Variants in MGAT4C observed in about 807,000 individuals in gnomAD.
The protein encoded by MGAT4C is MGAT4 family member C.
MGAT4C carries 19 observed loss-of-function variants against 40.1 expected under a neutral mutation model. The ratio of observed to expected loss-of-function variants is 0.47; its 90% CI spans 0.33 to 0.70. The LOEUF is 0.70. Ranked by LOEUF, MGAT4C falls within the 30% of genes least tolerant of loss-of-function variation. MGAT4C has a pLI of 0.02. For missense variants in MGAT4C, 491 were observed against 563.2 expected, an observed-to-expected ratio of 0.87 and a Z score of 1.30; for synonymous variants, 181 against 187.1, an observed-to-expected ratio of 0.97 and a Z score of 0.27.
Position 86,350,416 on chromosome 12 carries a change from G to A in MGAT4C, c.-119-16289C>T, listed in dbSNP as rs553701524. On this transcript the variant is annotated intron_variant, in intron 3 of 7. Transcript: ENST00000548651. Reference sequence around the variant, plus strand: ...CAGGTCCATGGTACAAGGCAGGTGTGCAATAAATGCTTAACAAATAACTAA... The same window carrying A: ...CAGGTCCATGGTACAAGGCAGGTGTACAATAAATGCTTAACAAATAACTAA... 2.8e-4 allele frequency among the ~76,000 whole-genome samples: 43 copies of A among 152,240 alleles called. No homozygotes were observed. In the East Asian group the frequency reaches 4.4e-3, roughly 16 times the overall value.
intron 1 of MGAT4C, among the ~76,000 whole-genome samples, chr12:86,140,551 T>G (rs1315997280): frequency 2.0e-5 from 3 of 152,062 alleles, no homozygotes; most frequent in African/African-American, 7.2e-5. Flanking sequence ...GAGAAATACC[T>G]AATGTAGATG....
At chr12:86,372,438 T>C (rs1235290287) in intron 3 of MGAT4C, among the ~76,000 whole-genome samples, 1 of 151,864 alleles carries the variant, frequency 6.6e-6, no homozygotes, top group African/African-American at 2.4e-5. Context: ...ATCACATAAT[T>C]CTATTGTTAC....
intron 2 of MGAT4C, among the ~76,000 whole-genome samples, chr12:85,990,453 T>C (rs1006908278): frequency 1.3e-5 from 2 of 152,144 alleles, no homozygotes; most frequent in African/African-American, 2.4e-5. Context: ...TAGAGTTGTG[T>C]AATGGATCTC....
At chr12:86,779,514 G>GAA (rs1374751530) in intron 1 of MGAT4C, among the ~76,000 whole-genome samples, 24 of 151,918 alleles carry the variant, frequency 1.6e-4, no homozygotes, top group African/African-American at 5.8e-4. Flanking sequence ...AGGTGAGAGG[G>GAA]TTGCCTGAGC....
intron 1 of MGAT4C, among the ~76,000 whole-genome samples, chr12:86,826,798 G>A (rs1176971756): frequency 6.6e-6 from 1 of 150,936 alleles, no homozygotes; most frequent in African/African-American, 2.4e-5. Flanking sequence ...AAAAAGAAAT[G>A]GGGGGAGGTT....
intron 1 of MGAT4C, among the ~76,000 whole-genome samples, chr12:86,227,930 G>A (rs973907989): frequency 6.6e-6 from 1 of 151,832 alleles, no homozygotes; most frequent in Admixed American, 6.6e-5. Flanking sequence ...AGAGTTTCCT[G>A]TTCCAAGTTT....
chr12:86,764,385 C>A (rs897649669), intron 1 of MGAT4C, among the ~76,000 whole-genome samples: 18 of 152,280 alleles, frequency 1.2e-4, no homozygotes, highest in African/African-American at 4.1e-4. Flanking sequence ...TGGAGCCCAC[C>A]ACAGCTCAAG....
Position 85,976,101 on chromosome 12 carries a change from T to C in MGAT4C, c.*3188A>G, listed in dbSNP as rs1302988032. On this transcript the variant is annotated 3_prime_UTR_variant, in exon 5 of 5. Coordinates refer to ENST00000611864, the MANE Select transcript of MGAT4C (RefSeq NM_001351288.2). ...ATTTGAAAATGTTTGTTTCATTTTT[T>C]ATATAATTATTATACAGAACAGTTT... The C allele has an allele frequency of 6.6e-6, 1 of 151,154 alleles. No individual in the cohort carries two copies. Among genetic ancestry groups the C allele is most frequent in the Non-Finnish European group, 1.5e-5 (1 of 67,248 alleles). The allele number at this position is 151,154 out of a possible 1,614,324, so 9.4% of individuals were successfully genotyped here. A position where few individuals can be genotyped will look rare whatever the true frequency, so the allele number is the denominator to read the frequency against.
chr12:86,171,838 T>C (rs938916422), intron 1 of MGAT4C, among the ~76,000 whole-genome samples: 1 of 152,194 alleles, frequency 6.6e-6, no homozygotes, highest in African/African-American at 2.4e-5. Flanking sequence ...CATTTCCAGA[T>C]AGTCTCACCC....
chr12:86,067,381 A>C (rs1276074758), intron 1 of MGAT4C, among the ~76,000 whole-genome samples: 1 of 152,212 alleles, frequency 6.6e-6, no homozygotes, highest in Non-Finnish European at 1.5e-5. Flanking sequence ...TGTAGCCATA[A>C]AAAGGATGAG....
chr12:85,979,699 C>T lies in MGAT4C; in HGVS notation c.1027G>A (p.Ala343Thr). Residue 343 changes from alanine (A) to threonine (T), a missense_variant, in exon 5 of 5, where the codon GCA (alanine) becomes ACA (threonine). Ala to Thr is a moderately conservative substitution (Grantham distance 58). Coordinates refer to ENST00000611864, the MANE Select transcript of MGAT4C (RefSeq NM_001351288.2). ...ACATTCATGTTGGTGTACAGACTTG[C>T]AGGGGGGTTATCAGGAATGTCAAAT... ...ESFDIPDNPP[A>T]SLYTNMNVFE... The T allele has an allele frequency of 6.2e-7, 1 of 1,613,312 alleles. No individual in the cohort carries two copies. The highest frequency in any genetic ancestry group is 8.5e-7 in the Non-Finnish European group (1 of 1,179,772).
chr12:86,166,665 C>A (rs1446706338), intron 1 of MGAT4C, among the ~76,000 whole-genome samples: 1 of 151,366 alleles, frequency 6.6e-6, no homozygotes, highest in East Asian at 1.9e-4. Context: ...GTGAGAAGGT[C>A]TCAAAAAAAA....
At chr12:86,434,807 T>C (rs1565760206) in intron 3 of MGAT4C, among the ~76,000 whole-genome samples, 1 of 151,860 alleles carries the variant, frequency 6.6e-6, no homozygotes, top group Non-Finnish European at 1.5e-5. Context: ...CTTAAACACA[T>C]AGATTCACTC....
intron 4 of MGAT4C, among the ~76,000 whole-genome samples, chr12:86,300,213 T>C (rs933733150): frequency 6.6e-6 from 1 of 152,194 alleles, no homozygotes; most frequent in East Asian, 1.9e-4. Context: ...TTGTTGTTAG[T>C]TGGAAATTGA....
chr12:86,208,128 T>A (rs1950330796), intron 1 of MGAT4C, among the ~76,000 whole-genome samples: 1 of 152,170 alleles, frequency 6.6e-6, no homozygotes, highest in Non-Finnish European at 1.5e-5. Context: ...GATGGCCTAA[T>A]CACAGAGGTC....
intron 1 of MGAT4C, among the ~76,000 whole-genome samples, chr12:86,063,865 T>C (rs1679266074): frequency 1.3e-5 from 2 of 152,230 alleles, no homozygotes; most frequent in African/African-American, 2.4e-5. Flanking sequence ...TCTAAATATA[T>C]ATGCACCCGT....
intron 2 of MGAT4C, among the ~76,000 whole-genome samples, chr12:86,551,172 T>C (rs74678798): frequency 0.014 from 2,058 of 152,014 alleles, 16 homozygotes; most frequent in African/African-American, 0.02. Context: ...GCCAGCCAAA[T>C]AGCTATATGC....
chr12:86,271,225 C>T (rs1343591529), intron 4 of MGAT4C, among the ~76,000 whole-genome samples: 1 of 152,108 alleles, frequency 6.6e-6, no homozygotes, highest in Non-Finnish European at 1.5e-5. Flanking sequence ...GAGGAGAAAA[C>T]CTGTTGAATG....
chr12:86,411,666 G>C (rs1369162139), intron 3 of MGAT4C, among the ~76,000 whole-genome samples: 2 of 152,146 alleles, frequency 1.3e-5, no homozygotes, highest in African/African-American at 2.4e-5. Flanking sequence ...ATTGCAGCCT[G>C]GCCATGTAGT....
Sources: allele counts gnomAD v4.1 joint callset (sites outside exome capture counted in the v4.1 genomes callset), GRCh38; gene constraint gnomAD v4.1.1; transcripts MANE v1.5; gene names NCBI Gene and HGNC (gene_info 2026-07-23, HGNC 2026-07-21).